UIMC1: variants seen among roughly 807,000 people sequenced by gnomAD.
UIMC1 encodes BRCA1-A complex subunit RAP80.
Under a neutral mutation model 84.9 loss-of-function variants are expected in UIMC1, and 42 were observed. The ratio of observed to expected loss-of-function variants is 0.49; its 90% CI spans 0.39 to 0.64. The LOEUF is 0.64. UIMC1 is among the 30% of genes least tolerant of loss of function. The pLI is 0.00. For missense variants in UIMC1, 825 were observed against 847.6 expected (o/e 0.97, Z 0.33); for synonymous variants, 281 against 293.0 (o/e 0.96, Z 0.42).
In UIMC1 at chr5:176,975,882, A is replaced by C. The variant is rs182172668; in HGVS notation, c.148-402T>G. Among the ~76,000 whole-genome samples, 849 of 152,336 alleles carry C rather than the reference A, an allele frequency of 5.6e-3. 7 individuals are homozygous for C. The highest frequency in any genetic ancestry group is 8.8e-3 in the Non-Finnish European group (596 of 68,036). ...CAATGGATAGTAAAGGAAAGGAAAA[A>C]GAGGGTAAATGAAAAATCCTATAGA... On this transcript the variant is annotated intron_variant, in intron 2 of 14. Coordinates refer to ENST00000511320, the MANE Select transcript of UIMC1 (RefSeq NM_001199298.2).
Position 176,969,448 on chromosome 5 carries a change from C to T in UIMC1, c.463+153G>A, listed in dbSNP as rs143772246. On this transcript the variant is annotated intron_variant, in intron 5 of 14. Coordinates refer to ENST00000511320, the MANE Select transcript of UIMC1 (RefSeq NM_001199298.2). ...TTTTTCCTTGGAGATAAAAGTATGC[C>T]GGATATTCTTATGATCTCAACTACT... is the stretch of plus-strand genomic sequence containing the variant. 368 of 1,262,568 alleles carry T rather than the reference C, an allele frequency of 2.9e-4. 1 individual carries two copies. In the African/African-American group the frequency reaches 4.2e-3, roughly 15 times the overall value. 78.2% of individuals were successfully genotyped at this position (1,262,568 alleles called of 1,614,324 possible). A position where few individuals can be genotyped will look rare whatever the true frequency, so the allele number is the denominator to read the frequency against.
intron 10 of UIMC1, among the ~76,000 whole-genome samples, chr5:176,937,066 G>T (rs1247954487): frequency 3.3e-5 from 5 of 152,110 alleles, no homozygotes; most frequent in Non-Finnish European, 7.3e-5. Flanking sequence ...GAGTAAATGG[G>T]GGCTTTTATT....
At chr5:176,995,581 C>A (rs1773485754) in intron 1 of UIMC1, among the ~76,000 whole-genome samples, 1 of 146,350 alleles carries the variant, frequency 6.8e-6, no homozygotes, top group Non-Finnish European at 1.5e-5. Context: ...CGGTGGCTCA[C>A]ACCTGTAATC....
At chr5:176,936,120 C>T (rs947015253) in intron 10 of UIMC1, among the ~76,000 whole-genome samples, 11 of 152,262 alleles carry the variant, frequency 7.2e-5, no homozygotes, top group African/African-American at 2.4e-4. Context: ...CTCACCATCA[C>T]ACAGAAACAC....
At position 176,908,701 on chromosome 5, in the gene UIMC1, A is replaced by C; in HGVS notation, c.1677-7T>G. The C allele has an allele frequency of 1.2e-6, 2 of 1,606,594 alleles. No homozygotes were observed. Among genetic ancestry groups the C allele is most frequent in the Middle Eastern group, 1.7e-4 (1 of 6,030 alleles). On this transcript the variant is annotated splice_polypyrimidine_tract_variant and splice_region_variant and intron_variant, in intron 11 of 14. Coordinates refer to ENST00000511320, the MANE Select transcript of UIMC1 (RefSeq NM_001199298.2). Reference sequence around the variant, plus strand: ...GAGGTAACACTTCTCATTCCTATCCAATAAGAAAAAAGGAAGAAAACACAG... The same window carrying C: ...GAGGTAACACTTCTCATTCCTATCCCATAAGAAAAAAGGAAGAAAACACAG...
chr5:176,992,122 CAA>C (rs1286466073), intron 1 of UIMC1, among the ~76,000 whole-genome samples: 1 of 151,544 alleles, frequency 6.6e-6, no homozygotes, highest in Non-Finnish European at 1.5e-5. Context: ...GACCTCATCT[CAA>C]AAGAAGAGAT....
Position 177,001,690 on chromosome 5 carries a change from G to GC in UIMC1, c.-9+4959dup, listed in dbSNP as rs375385527. 1.9e-3 allele frequency among the ~76,000 whole-genome samples: 295 copies of GC among 151,782 alleles called. 2 individuals carry two copies. Among genetic ancestry groups the GC allele is most frequent in the African/African-American group, 4.4e-3 (183 of 41,390 alleles). On this transcript the variant is annotated intron_variant, in intron 1 of 14. Coordinates refer to ENST00000511320, the MANE Select transcript of UIMC1 (RefSeq NM_001199298.2). ...GCAGTGGCTCACGCCTGTAATCCCA[G>GC]CATTTTGGGAGGCTGAGGGGGGGCG...
intron 11 of UIMC1, among the ~76,000 whole-genome samples, chr5:176,910,864 G>A: frequency 6.6e-6 from 1 of 152,122 alleles, no homozygotes; most frequent in East Asian, 1.9e-4. Context: ...GCCGAGGCAG[G>A]CCAATCACCT....
chr5:177,011,119 A>C (rs1022803435), upstream of UIMC1, among the ~76,000 whole-genome samples: 1 of 151,800 alleles, frequency 6.6e-6, no homozygotes, highest in Non-Finnish European at 1.5e-5. Flanking sequence ...TGAGCCCGGG[A>C]GGCAGAGGTT....
intron 1 of UIMC1, among the ~76,000 whole-genome samples, chr5:176,991,832 T>C (rs938478029): frequency 3.9e-5 from 6 of 151,916 alleles, no homozygotes; most frequent in Admixed American, 3.3e-4. Flanking sequence ...CTCGGGAGGC[T>C]GAGGCAGGAG....
intron 6 of UIMC1, among the ~76,000 whole-genome samples, chr5:176,964,598 G>A (rs940626418): frequency 2.9e-4 from 44 of 152,066 alleles, no homozygotes; most frequent in Admixed American, 2.0e-4. Context: ...CATTAAAAGT[G>A]AAATATATAA....
intron 9 of UIMC1, among the ~76,000 whole-genome samples, chr5:176,945,022 A>C (rs967789847): frequency 1.3e-5 from 2 of 152,248 alleles, no homozygotes; most frequent in Non-Finnish European, 2.9e-5. Flanking sequence ...TCACAAAGTT[A>C]CTAAGTGAAC....
At chr5:176,965,180 C>T (rs1232937511) in intron 6 of UIMC1, among the ~76,000 whole-genome samples, 1 of 152,064 alleles carries the variant, frequency 6.6e-6, no homozygotes, top group Non-Finnish European at 1.5e-5. Flanking sequence ...CCAGCACTTT[C>T]GGAGGCCAAG....
At chr5:176,995,540 A>T in intron 1 of UIMC1, among the ~76,000 whole-genome samples, 1 of 145,308 alleles carries the variant, frequency 6.9e-6, no homozygotes. Context: ...CTGTCTCCAA[A>T]AAAAAAAAAA....
chr5:176,975,524 A>C (rs1769927733), intron 2 of UIMC1, 44 bp from the exon 3 acceptor site: 1 of 1,602,588 alleles, frequency 6.2e-7, no homozygotes, highest in Non-Finnish European at 8.5e-7. Flanking sequence ...TGCCACTAAA[A>C]GTAGTGATTT....
chr5:176,983,137 A>G (rs550217688), intron 1 of UIMC1, among the ~76,000 whole-genome samples: 2 of 152,112 alleles, frequency 1.3e-5, no homozygotes, highest in African/African-American at 4.8e-5. Flanking sequence ...CCCAGCCTCA[A>G]TTTAATCTTG....
chr5:176,976,914 G>A (rs927624699), intron 2 of UIMC1, among the ~76,000 whole-genome samples: 1 of 152,060 alleles, frequency 6.6e-6, no homozygotes, highest in Admixed American at 6.6e-5. Flanking sequence ...GGCCATGGAG[G>A]GTAAAAATGT....
upstream of UIMC1, among the ~76,000 whole-genome samples, chr5:177,007,564 C>A (rs969324821): frequency 3.9e-5 from 6 of 152,266 alleles, no homozygotes; most frequent in South Asian, 1.2e-3. Context: ...TGCTAGGTCA[C>A]AACTACTTAA....
intron 6 of UIMC1, among the ~76,000 whole-genome samples, chr5:176,966,832 T>C (rs990542568): frequency 6.7e-6 from 1 of 149,942 alleles, no homozygotes; most frequent in Non-Finnish European, 1.5e-5. Context: ...TTCTCTACTA[T>C]ATAAAGTGTA....
Sources: gnomAD v4.1 joint callset for allele counts (sites outside exome capture counted in the v4.1 genomes callset) on GRCh38, gnomAD v4.1.1 for gene constraint, MANE v1.5 for transcripts, NCBI Gene and HGNC (gene_info 2026-07-23, HGNC 2026-07-21) for gene names.